Variants in PTK2 observed in about 807,000 individuals in gnomAD.
PTK2 encodes the protein protein tyrosine kinase 2, also known as focal adhesion kinase 1.
A neutral mutation model predicts 150.1 loss-of-function variants in PTK2; 45 were observed. That is an observed-to-expected ratio of 0.30 (90% CI 0.24 to 0.38). The LOEUF (loss-of-function observed/expected upper bound fraction) is 0.38, where lower values mean the gene tolerates loss of function less well. Ranked by LOEUF, PTK2 falls within the 10% of genes least tolerant of loss-of-function variation. The pLI is 1.00. For missense variants in PTK2, 919 were observed against 1,307.3 expected, an observed-to-expected ratio of 0.70 and a Z score of 4.58; for synonymous variants, 432 against 449.2, an observed-to-expected ratio of 0.96 and a Z score of 0.48.
chr8:140,914,784 C>A (rs539097591), intron 2 of PTK2, among the ~76,000 whole-genome samples: 23 of 151,988 alleles, frequency 1.5e-4, no homozygotes, highest in Non-Finnish European at 3.2e-4. Context: ...ATCTATAATT[C>A]CAGCACTCTG....
At chr8:140,981,035 C>T (rs2100191215) in intron 1 of PTK2, among the ~76,000 whole-genome samples, 1 of 148,136 alleles carries the variant, frequency 6.8e-6, no homozygotes, top group Admixed American at 6.8e-5. Flanking sequence ...GCTGGGATTA[C>T]AGGCATGAGC....
intron 1 of PTK2, among the ~76,000 whole-genome samples, chr8:140,994,794 A>C (rs2154610338): frequency 6.6e-6 from 1 of 152,246 alleles, no homozygotes; most frequent in South Asian, 2.1e-4. Context: ...GTGGCCTGCT[A>C]TTCCCTGAGA....
intron 14 of PTK2, among the ~76,000 whole-genome samples, chr8:140,767,893 A>AGACCAAGTGACTACCC (rs1389509224): frequency 6.6e-6 from 1 of 152,062 alleles, no homozygotes; most frequent in Non-Finnish European, 1.5e-5. Flanking sequence ...GGCCCTAAAA[A>AGACCAAGTGACTACCC]TTGGAGTACA....
At chr8:140,902,360 C>T (rs944008135) in intron 2 of PTK2, among the ~76,000 whole-genome samples, 6 of 152,070 alleles carry the variant, frequency 3.9e-5, no homozygotes, top group Non-Finnish European at 5.9e-5. Context: ...TCCAGTCTAT[C>T]ACTGATGGAC....
intron 8 of PTK2, among the ~76,000 whole-genome samples, chr8:140,827,652 T>C (rs1447409346): frequency 6.6e-6 from 1 of 152,206 alleles, no homozygotes; most frequent in Non-Finnish European, 1.5e-5. Flanking sequence ...ACACCTTTTG[T>C]TCACATTGTA....
intron 1 of PTK2, among the ~76,000 whole-genome samples, chr8:140,938,043 C>T (rs1603425984): frequency 6.6e-6 from 1 of 152,208 alleles, no homozygotes; most frequent in South Asian, 2.1e-4. Flanking sequence ...TAACAGTTAT[C>T]TAAGAAGACA....
At position 140,729,114 on chromosome 8, in the gene PTK2, CT is replaced by C. The variant is rs1353137985; in HGVS notation, c.2030+6136del. Among the ~76,000 whole-genome samples, 5 of 152,230 alleles carry C rather than the reference CT, an allele frequency of 3.3e-5. No homozygotes were observed. The East Asian group carries it at 5.8e-4, about 18-fold the overall frequency. On this transcript the variant is annotated intron_variant, in intron 22 of 31. Transcript: ENST00000522684. Reference sequence around the variant, plus strand: ...AAAATCTGTCTGCACCCATGCTGAGCTAAGCTATAACCCTGACCAAACACTC... The same window carrying C: ...AAAATCTGTCTGCACCCATGCTGAGCAAGCTATAACCCTGACCAAACACTC...
chr8:140,743,922 C>T lies in PTK2; in HGVS notation c.1635-592G>A, dbSNP rs545840292. ...CCTCCCGAGTAGCTGGGACTACAGG[C>T]GCCCGCCACCATGCCCAGCTAATTT... On this transcript the variant is annotated intron_variant, in intron 19 of 31. Transcript: ENST00000522684. Among the ~76,000 whole-genome samples the T allele has an allele frequency of 1.8e-4, 28 of 151,768 alleles. No homozygotes were observed. In the East Asian group the frequency reaches 4.1e-3, roughly 22 times the overall value.
chr8:140,808,556 C>G (rs2100099467), intron 10 of PTK2, among the ~76,000 whole-genome samples: 1 of 151,990 alleles, frequency 6.6e-6, no homozygotes, highest in Admixed American at 6.5e-5. Context: ...AACTGTGAAA[C>G]AGTTAACATT....
intron 2 of PTK2, among the ~76,000 whole-genome samples, chr8:140,923,275 C>A (rs1164249138): frequency 6.6e-6 from 1 of 152,164 alleles, no homozygotes; most frequent in Non-Finnish European, 1.5e-5. Flanking sequence ...ACTCATGCCA[C>A]AGAGAAGAGC....
At position 140,830,498 on chromosome 8, in the gene PTK2, G is replaced by GA. The variant is rs1289148056; in HGVS notation, c.621dup (p.Pro208SerfsTer2). ...TTGACAGAATCCAGTAAACTCTTAG[G>GA]AAAAAATCGCTTTAAACCAACATCT... On this transcript the variant is annotated frameshift_variant, in exon 8 of 32. Transcript: ENST00000522684. LOFTEE classifies it high-confidence loss of function. 1 of 1,540,930 alleles carries GA rather than the reference G, an allele frequency of 6.5e-7. No individual in the cohort carries two copies. Among genetic ancestry groups the GA allele is most frequent in the Non-Finnish European group, 8.8e-7 (1 of 1,133,568 alleles).
At chr8:140,740,988 C>A (rs1020977054) in intron 20 of PTK2, among the ~76,000 whole-genome samples, 2 of 151,596 alleles carry the variant, frequency 1.3e-5, no homozygotes, top group South Asian at 4.2e-4. Context: ...ACAAAAAAAT[C>A]AAAAAATTAG....
At chr8:140,763,453 T>A (rs983364905) in intron 15 of PTK2, among the ~76,000 whole-genome samples, 4 of 152,108 alleles carry the variant, frequency 2.6e-5, no homozygotes, top group African/African-American at 4.8e-5. Context: ...ATTTTTTTTT[T>A]TATACTCAAG....
chr8:140,933,774 T>C (rs1211000097), intron 1 of PTK2, among the ~76,000 whole-genome samples: 2 of 151,698 alleles, frequency 1.3e-5, no homozygotes, highest in Admixed American at 1.3e-4. Context: ...GGGTATGGGG[T>C]TTTCTTTTGG....
chr8:140,659,769 T>G, intron 31 of PTK2, 91 bp from the exon 36 acceptor site: 2 of 1,170,060 alleles, frequency 1.7e-6, no homozygotes, highest in South Asian at 3.1e-5. Context: ...TGTCCAAGCT[T>G]GCCTCAAACT....
intron 7 of PTK2, among the ~76,000 whole-genome samples, chr8:140,838,248 T>C (rs999612209): frequency 1.3e-5 from 2 of 152,234 alleles, no homozygotes; most frequent in Non-Finnish European, 2.9e-5. Flanking sequence ...TGTATTCATG[T>C]ATAATTCCTT....
chr8:140,658,117 C>T (rs1218220332), exon 32 of PTK2: 1 of 152,184 alleles, frequency 6.6e-6, no homozygotes, highest in Non-Finnish European at 1.5e-5. Flanking sequence ...AATAGTGAGA[C>T]CCTGCGCAGG....
intron 14 of PTK2, among the ~76,000 whole-genome samples, chr8:140,779,086 C>T (rs2100080152): frequency 6.6e-6 from 1 of 151,508 alleles, no homozygotes; most frequent in South Asian, 2.1e-4. Flanking sequence ...CATGGTGAAA[C>T]CCCGTCGCTA....
At chr8:140,920,895 C>G in intron 2 of PTK2, 1 of 1,525,444 alleles carries the variant, frequency 6.6e-7, no homozygotes, top group Non-Finnish European at 8.8e-7. Context: ...GCCTCTTGGC[C>G]TGCCAGTTCC....
Sources: gnomAD v4.1 joint callset for allele counts (sites outside exome capture counted in the v4.1 genomes callset) on GRCh38, gnomAD v4.1.1 for gene constraint, MANE v1.5 for transcripts, NCBI Gene and HGNC (gene_info 2026-07-23, HGNC 2026-07-21) for gene names.